DOCK10: variants seen among roughly 807,000 people sequenced by gnomAD.
The protein encoded by DOCK10 is dedicator of cytokinesis protein 10.
A neutral mutation model predicts 280.1 loss-of-function variants in DOCK10; 145 were observed. The observed-to-expected ratio is 0.52, with a 90% CI of 0.45 to 0.59. The LOEUF (loss-of-function observed/expected upper bound fraction) is 0.59. Ranked by LOEUF, DOCK10 falls within the 20% of genes least tolerant of loss-of-function variation. The pLI is 0.00. For missense variants in DOCK10, 2,368 were observed against 2,651.7 expected, an observed-to-expected ratio of 0.89 and a Z score of 2.35; for synonymous variants, 915 against 942.2, an observed-to-expected ratio of 0.97 and a Z score of 0.53.
chr2:224,858,488 C>T (rs1251660776), intron 14 of DOCK10, among the ~76,000 whole-genome samples: 3 of 152,128 alleles, frequency 2.0e-5, no homozygotes, highest in Admixed American at 6.5e-5. Flanking sequence ...GAAACCCCGT[C>T]TCTACTAAAA....
At chr2:224,783,487 G>T (rs987431510) in intron 50 of DOCK10, among the ~76,000 whole-genome samples, 2 of 152,116 alleles carry the variant, frequency 1.3e-5, no homozygotes, top group East Asian at 3.9e-4. Flanking sequence ...TGTTAGCCAG[G>T]ATGGTCTTCA....
chr2:224,983,881 G>C, intron 1 of DOCK10: 1 of 471,050 alleles, frequency 2.1e-6, no homozygotes, highest in South Asian at 1.5e-5. Context: ...ACATTTGTCA[G>C]ACTGCCCGGG....
chr2:225,011,239 G>C (rs550407622), intron 1 of DOCK10, among the ~76,000 whole-genome samples: 5 of 152,272 alleles, frequency 3.3e-5, no homozygotes, highest in Middle Eastern at 3.4e-3. Context: ...TTGCCAGAAA[G>C]GACTTACGGC....
chr2:224,949,744 A>G (rs1575104762), intron 1 of DOCK10, among the ~76,000 whole-genome samples: 1 of 152,220 alleles, frequency 6.6e-6, no homozygotes, highest in Non-Finnish European at 1.5e-5. Context: ...CACCCTTTCC[A>G]GGCCTCAGTT....
chr2:224,950,174 T>C (rs1703648468), intron 1 of DOCK10, among the ~76,000 whole-genome samples: 5 of 152,158 alleles, frequency 3.3e-5, no homozygotes, highest in East Asian at 1.9e-4. Flanking sequence ...GACCCAGAGA[T>C]GGTTTGCATT....
chr2:224,821,982 A>G (rs1199443552), intron 28 of DOCK10, among the ~76,000 whole-genome samples: 2 of 152,214 alleles, frequency 1.3e-5, no homozygotes, highest in African/African-American at 2.4e-5. Context: ...GTATAATTTG[A>G]AATAGTTTTT....
chr2:224,894,343 G>T (rs1699864420), intron 4 of DOCK10, among the ~76,000 whole-genome samples: 1 of 152,180 alleles, frequency 6.6e-6, no homozygotes, highest in Non-Finnish European at 1.5e-5. Context: ...AAGGAAAGAT[G>T]AACAGTGTTT....
intron 1 of DOCK10, among the ~76,000 whole-genome samples, chr2:224,966,049 T>A (rs1704721846): frequency 6.6e-6 from 1 of 152,212 alleles, no homozygotes; most frequent in African/African-American, 2.4e-5. Context: ...TTACTTACTA[T>A]CTATAGCAGA....
At chr2:224,823,207 C>G (rs571467850) in intron 28 of DOCK10, among the ~76,000 whole-genome samples, 4 of 152,042 alleles carry the variant, frequency 2.6e-5, no homozygotes, top group African/African-American at 9.6e-5. Context: ...AGGATGGTCT[C>G]TATCTCTTGA....
Position 224,961,027 on chromosome 2 carries a change from C to T in DOCK10, c.124-29359G>A, listed in dbSNP as rs145896406. Among the ~76,000 whole-genome samples, 1,180 of 152,164 alleles carry T rather than the reference C, an allele frequency of 7.8e-3. 15 individuals carry two copies. Among genetic ancestry groups the T allele is most frequent in the Middle Eastern group, 0.041 (12 of 294 alleles). ...TGCTGGGATTACAGGCGTGAGCCAC[C>T]GCGCCCGGCCCCCATCACCAAATTC... On this transcript the variant is annotated intron_variant, in intron 1 of 55. Coordinates refer to ENST00000258390, the MANE Select transcript of DOCK10 (RefSeq NM_014689.3).
intron 1 of DOCK10, among the ~76,000 whole-genome samples, chr2:224,978,123 G>A (rs1705540579): frequency 6.6e-6 from 1 of 152,084 alleles, no homozygotes; most frequent in Non-Finnish European, 1.5e-5. Flanking sequence ...CTTTGGGCTG[G>A]GTACTAATGG....
At chr2:224,883,418 C>G (rs1233145640) in intron 7 of DOCK10, among the ~76,000 whole-genome samples, 1 of 152,094 alleles carries the variant, frequency 6.6e-6, no homozygotes, top group Non-Finnish European at 1.5e-5. Flanking sequence ...GAAAAAATAT[C>G]CGGAACGTAA....
chr2:224,832,172 C>T (rs2125403453), intron 26 of DOCK10, among the ~76,000 whole-genome samples: 1 of 152,312 alleles, frequency 6.6e-6, no homozygotes, highest in Admixed American at 6.5e-5. Flanking sequence ...CTAATCATTC[C>T]TTTGCTTTAC....
Position 224,789,067 on chromosome 2 carries a change from A to T in DOCK10, c.5415T>A (p.Asn1805Lys), listed in dbSNP as rs1328728819. Residue 1805 changes from asparagine to lysine, a missense_variant, in exon 48 of 56, where the codon AAT becomes AAA. Physicochemically the swap from Asn to Lys is moderately conservative, Grantham distance 94 (BLOSUM62 0). This residue lies in a region of DOCK10 where 1,159 missense variants were observed against 1,400.8 expected (regional missense o/e 0.83). Transcript: ENST00000258390. The part of the protein sequence containing the change: ...EDSGMQDTPY[N>K]ENILVEQLYM... ...CATGAGATAATTTTGGTCTAACCTCATTGTATGGTGTATCTTGCATTCCAG... is the reference window on the plus strand; with the variant it reads ...CATGAGATAATTTTGGTCTAACCTCTTTGTATGGTGTATCTTGCATTCCAG... 2.8e-5 allele frequency: 45 copies of T among 1,610,306 alleles called. No homozygotes were observed. Among genetic ancestry groups the T allele is most frequent in the Non-Finnish European group, 3.7e-5 (43 of 1,177,076 alleles).
intron 1 of DOCK10, among the ~76,000 whole-genome samples, chr2:225,020,744 C>A (rs1293797406): frequency 6.6e-6 from 1 of 152,158 alleles, no homozygotes; most frequent in Non-Finnish European, 1.5e-5. Context: ...CTTCAGAAAT[C>A]CAATTTCTAC....
At position 224,864,921 on chromosome 2, in the gene DOCK10, G is replaced by A. The variant is rs1697787623; in HGVS notation, c.1424C>T (p.Ser475Leu). ...AAGTCCCTTGATGTGAGGTTCTTCT[G>A]ATTGTCTTGGAGTGATGGTGTCGAT... ...GNIDTITPRQ[S>L]EEPHIKGLPE... The change falls in exon 12 of 56, where the codon TCA becomes TTA. Residue 475 changes from serine (S) to leucine (L), a missense_variant. Around this residue, in one of 2 missense-constraint regions of DOCK10, gnomAD observed 1,209 missense variants for 1,250.9 expected, o/e 0.97. Coordinates refer to ENST00000258390, the MANE Select transcript of DOCK10 (RefSeq NM_014689.3). The A allele has an allele frequency of 2.5e-6, 4 of 1,613,810 alleles. No individual in the cohort carries two copies. The highest frequency in any genetic ancestry group is 3.4e-6 in the Non-Finnish European group (4 of 1,179,878).
At chr2:224,809,679 G>T (rs764875889) in intron 31 of DOCK10, among the ~76,000 whole-genome samples, 45 of 152,142 alleles carry the variant, frequency 3.0e-4, no homozygotes, top group Non-Finnish European at 6.2e-4. Flanking sequence ...TAGTTTTTAG[G>T]ATGGCTATTA....
Position 224,848,727 on chromosome 2 carries a change from G to A in DOCK10, c.2235+780C>T, listed in dbSNP as rs574600900. ...TCTGCCAGGGCAAGGCTTGTTCCCT[G>A]TCATGTTTAGAGATGACGGGATCCA... On this transcript the variant is annotated intron_variant, in intron 19 of 55. Coordinates refer to ENST00000258390, the MANE Select transcript of DOCK10 (RefSeq NM_014689.3). 2.0e-5 allele frequency among the ~76,000 whole-genome samples: 3 copies of A among 152,292 alleles called. 1 individual carries two copies. The highest frequency in any genetic ancestry group is 7.2e-5 in the African/African-American group (3 of 41,558).
intron 7 of DOCK10, among the ~76,000 whole-genome samples, chr2:224,879,613 C>G (rs1409860113): frequency 6.6e-6 from 1 of 152,030 alleles, no homozygotes; most frequent in Admixed American, 6.5e-5. Context: ...CAAAAATTAG[C>G]TGGGCATGGT....
Sources: allele counts gnomAD v4.1 joint callset (sites outside exome capture counted in the v4.1 genomes callset), GRCh38; gene constraint gnomAD v4.1.1; regional missense constraint gnomAD v4.1.1; transcripts MANE v1.5; gene names NCBI Gene and HGNC (gene_info 2026-07-23, HGNC 2026-07-21).